Variants in DMD observed in about 807,000 individuals in gnomAD.
DMD encodes the protein dystrophin, also known as mutant dystrophin.
Under a neutral mutation model 330.1 loss-of-function variants are expected in DMD, and 63 were observed. The observed-to-expected ratio is 0.19, with a 90% CI of 0.16 to 0.24. The LOEUF (loss-of-function observed/expected upper bound fraction) is 0.24, where lower values mean the gene tolerates loss of function less well. DMD is among the 10% of genes least tolerant of loss of function. The probability of loss-of-function intolerance (pLI) is 1.00; values close to 1 mark genes in which losing one functional copy is unlikely to be tolerated. For synonymous variants in DMD, 1,223 were observed against 959.8 expected, an observed-to-expected ratio of 1.27 and a Z score of -5.07; for missense variants, 3,344 against 2,684.1, an observed-to-expected ratio of 1.25 and a Z score of -5.43.
chrX:31,755,889 T>C (rs2089029977), intron 51 of DMD, among the ~76,000 whole-genome samples: 1 of 111,814 alleles, frequency 8.9e-6, no homozygotes, highest in South Asian at 3.7e-4. Flanking sequence ...ATTCACATAA[T>C]TATTTTTTCA....
At chrX:33,119,905 G>GA (rs2095412713) in intron 1 of DMD, among the ~76,000 whole-genome samples, 1 of 111,397 alleles carries the variant, frequency 9.0e-6, no homozygotes, top group Non-Finnish European at 1.9e-5. Context: ...TTCACTTACT[G>GA]GGCTATCTGG....
At chrX:32,383,840 T>C (rs1423699251) in intron 33 of DMD, among the ~76,000 whole-genome samples, 1 of 109,871 alleles carries the variant, frequency 9.1e-6, no homozygotes, top group Non-Finnish European at 1.9e-5. Context: ...GTCACTTTCA[T>C]TGCTTTAAAT....
intron 45 of DMD, among the ~76,000 whole-genome samples, chrX:31,965,063 T>G (rs1458728061): frequency 1.8e-5 from 2 of 111,824 alleles, no homozygotes; most frequent in African/African-American, 6.5e-5. Context: ...ATTCAAACTT[T>G]TATCAACTGA....
At chrX:32,205,305 CCAA>C in intron 44 of DMD, among the ~76,000 whole-genome samples, 1 of 106,152 alleles carries the variant, frequency 9.4e-6, no homozygotes, top group African/African-American at 3.5e-5. Flanking sequence ...AACACGCTTA[CCAA>C]GAGTTCCTCT....
At chrX:31,670,484 T>A (rs1292879210) in intron 53 of DMD, among the ~76,000 whole-genome samples, 2 of 111,977 alleles carry the variant, frequency 1.8e-5, no homozygotes, top group East Asian at 5.6e-4. Context: ...CTCGGGCTTC[T>A]GTAATTAAGT....
In DMD at chrX:32,966,474, T is replaced by C. The variant is rs746997860; in HGVS notation, c.93+53665A>G. Among the ~76,000 whole-genome samples, 11 of 111,923 alleles carry C rather than the reference T, an allele frequency of 9.8e-5. 1 individual carries two copies. The South Asian group carries it at 3.7e-3, about 38-fold the overall frequency. Reference sequence around the variant, plus strand: ...TGCCCTGGGATACAAGATCTATGTATACATTTTAAAGAATTATTTTATTAC... The same window carrying C: ...TGCCCTGGGATACAAGATCTATGTACACATTTTAAAGAATTATTTTATTAC... On this transcript the variant is annotated intron_variant, in intron 2 of 78. Transcript: ENST00000357033.
At chrX:31,553,465 G>A (rs2074615370) in intron 55 of DMD, among the ~76,000 whole-genome samples, 1 of 111,842 alleles carries the variant, frequency 8.9e-6, no homozygotes, top group African/African-American at 3.3e-5. Flanking sequence ...CAATGGCAAA[G>A]ACCACAATTA....
At chrX:32,058,318 G>T (rs1218760860) in intron 44 of DMD, among the ~76,000 whole-genome samples, 1 of 109,914 alleles carries the variant, frequency 9.1e-6, no homozygotes, top group African/African-American at 3.3e-5. Context: ...GAGAGAAAAG[G>T]TTTGCAAACC....
chrX:33,179,693 C>CA lies in DMD; in HGVS notation c.31+31588dup, dbSNP rs758474479. On this transcript the variant is annotated intron_variant, in intron 1 of 78. Transcript: ENST00000357033. ...TGGGTGACAGAGCGAGACTCCGTCT[C>CA]AAAAAAAAAAAAAGAAAGAAAAGAA... 7.5e-3 allele frequency among the ~76,000 whole-genome samples: 474 copies of CA among 63,059 alleles called. 10 individuals carry two copies. The highest frequency in any genetic ancestry group is 0.043 in the Middle Eastern group (4 of 94). 54.8% of individuals were successfully genotyped at this position (63,059 alleles called of 115,157 possible).
At chrX:31,262,066 C>T (rs1413419615) in intron 62 of DMD, among the ~76,000 whole-genome samples, 3 of 112,439 alleles carry the variant, frequency 2.7e-5, no homozygotes, top group Non-Finnish European at 5.6e-5. Flanking sequence ...GCAACAATGT[C>T]GAATGGCCTT....
chrX:32,361,879 G>A (rs1040723713), intron 37 of DMD, among the ~76,000 whole-genome samples: 5 of 110,124 alleles, frequency 4.5e-5, no homozygotes, highest in African/African-American at 1.3e-4. Context: ...TACATATATT[G>A]ATTTTATATA....
intron 7 of DMD, among the ~76,000 whole-genome samples, chrX:32,735,903 AG>A (rs1362883669): frequency 8.9e-6 from 1 of 112,253 alleles, no homozygotes; most frequent in East Asian, 2.8e-4. Flanking sequence ...AACAAAAGCC[AG>A]AACTGACAAA....
chrX:32,513,246 C>T (rs780786337), intron 18 of DMD, among the ~76,000 whole-genome samples: 2 of 112,159 alleles, frequency 1.8e-5, no homozygotes, highest in Admixed American at 9.4e-5. Context: ...ACTGAAGTGC[C>T]AAGCCAGCTC....
intron 44 of DMD, among the ~76,000 whole-genome samples, chrX:32,039,969 C>T (rs1262174970): frequency 1.8e-5 from 2 of 111,649 alleles, no homozygotes; most frequent in East Asian, 5.6e-4. Flanking sequence ...AGCATGTACC[C>T]TATATAAATA....
At chrX:32,615,728 T>A (rs1278893568) in intron 11 of DMD, among the ~76,000 whole-genome samples, 3 of 111,356 alleles carry the variant, frequency 2.7e-5, no homozygotes, top group Non-Finnish European at 5.7e-5. Flanking sequence ...ATTTTTTGGC[T>A]GTTTTAGATT....
chrX:32,579,055 A>G (rs182864106), intron 13 of DMD, among the ~76,000 whole-genome samples: 42 of 111,663 alleles, frequency 3.8e-4, no homozygotes, highest in African/African-American at 1.4e-3. Flanking sequence ...ACCATTGAAA[A>G]AAACAAAAAT....
chrX:33,315,232 T>C (rs1277854131), intron 1 of DMD, among the ~76,000 whole-genome samples: 1 of 112,418 alleles, frequency 8.9e-6, no homozygotes, highest in Non-Finnish European at 1.9e-5. Flanking sequence ...CAAAGTAAAC[T>C]TTGCCTTTTT....
rs774948216 is a variant in DMD at position 32,822,244 on chromosome X, A to G, written c.357+1051T>C. ...CCCACTTAATCGTGATAAGAAATACATACACATTTATTTTTATTTTTACTC... is the reference window on the plus strand; with the variant it reads ...CCCACTTAATCGTGATAAGAAATACGTACACATTTATTTTTATTTTTACTC... On this transcript the variant is annotated intron_variant, in intron 5 of 78. Coordinates refer to ENST00000357033, the MANE Select transcript of DMD (RefSeq NM_004006.3). Among the ~76,000 whole-genome samples, 3 of 111,248 alleles carry G rather than the reference A, an allele frequency of 2.7e-5. No individual in the cohort carries two copies. In the South Asian group the frequency reaches 1.1e-3, roughly 42 times the overall value.
chrX:32,641,715 A>T (rs891591775), intron 11 of DMD, among the ~76,000 whole-genome samples: 1 of 110,862 alleles, frequency 9.0e-6, no homozygotes, highest in African/African-American at 3.3e-5. Flanking sequence ...ATGACTAGAC[A>T]AATGTTAATT....
Sources: gnomAD v4.1 joint callset for allele counts (sites outside exome capture counted in the v4.1 genomes callset) on GRCh38, gnomAD v4.1.1 for gene constraint, MANE v1.5 for transcripts, NCBI Gene and HGNC (gene_info 2026-07-23, HGNC 2026-07-21) for gene names.